FAT4: variants seen among roughly 807,000 people sequenced by gnomAD.
FAT4 encodes the protein FAT atypical cadherin 4.
A neutral mutation model predicts 303.9 loss-of-function variants in FAT4; 84 were observed. That is an observed-to-expected ratio of 0.28 (90% CI 0.23 to 0.33). The LOEUF (loss-of-function observed/expected upper bound fraction) is 0.33. Ranked by LOEUF, FAT4 falls within the 10% of genes least tolerant of loss-of-function variation. FAT4 has a pLI of 1.00. For synonymous variants in FAT4, 2,307 were observed against 2,298.8 expected, an observed-to-expected ratio of 1.00 and a Z score of -0.10; for missense variants, 6,005 against 6,146.8, an observed-to-expected ratio of 0.98 and a Z score of 0.77.
At position 125,319,120 on chromosome 4, in the gene FAT4, G is replaced by A. The variant is rs751921571; in HGVS notation, c.2709G>A (p.Val903=). The A allele has an allele frequency of 8.1e-6, 13 of 1,613,976 alleles. No homozygotes were observed. Among genetic ancestry groups the A allele is most frequent in the East Asian group, 2.2e-5 (1 of 44,888 alleles). The change falls in exon 2 of 18, where the codon GTG becomes GTA. Residue 903 remains valine (V), a synonymous_variant. Coordinates refer to ENST00000394329, the MANE Select transcript of FAT4 (RefSeq NM_001291303.3). The stretch of plus-strand genomic sequence containing the variant: ...AGGCAATAGAGAGTGTAAATGTGGT[G>A]GAGAATTGGCAGGCAGGTCACAGCA... ...FLQAIESVNV[V]ENWQAGHSIF... is the part of the protein sequence containing the mutation.
At chr4:125,385,106 C>G (rs931734565) in intron 2 of FAT4, among the ~76,000 whole-genome samples, 3 of 149,086 alleles carry the variant, frequency 2.0e-5, no homozygotes, top group Non-Finnish European at 4.4e-5. Flanking sequence ...ACTGCAACCT[C>G]TGCTTCCCGG....
chr4:125,364,932 G>A (rs1732808920), intron 2 of FAT4, among the ~76,000 whole-genome samples: 1 of 152,158 alleles, frequency 6.6e-6, no homozygotes, highest in African/African-American at 2.4e-5. Context: ...AACAGTTAGA[G>A]GTTGGGGGCA....
intron 11 of FAT4, among the ~76,000 whole-genome samples, chr4:125,466,900 G>A (rs1292159814): frequency 3.3e-5 from 5 of 151,152 alleles, no homozygotes; most frequent in East Asian, 2.0e-4. Context: ...TCAGCCTCCC[G>A]AGTAGCTGTG....
rs1727556292 is a variant in FAT4, at chr4:125,489,992, A to T, written c.13176A>T (p.Thr4392=). 3.1e-6 allele frequency: 5 copies of T among 1,613,844 alleles called. No individual in the cohort carries two copies. Among genetic ancestry groups the T allele is most frequent in the Non-Finnish European group, 4.2e-6 (5 of 1,180,016 alleles). ...ATAGCTTGGCCTCCATCTCAAAAACAGATCCCTCAGTGAAGATTGGCTGCC... is the reference window on the plus strand; with the variant it reads ...ATAGCTTGGCCTCCATCTCAAAAACTGATCCCTCAGTGAAGATTGGCTGCC... ...GKHSLASISK[T]DPSVKIGCRG... Residue 4392 remains threonine, a synonymous_variant, in exon 18 of 18, where the codon ACA becomes ACT. Coordinates refer to ENST00000394329, the MANE Select transcript of FAT4 (RefSeq NM_001291303.3).
chr4:125,487,549 C>T lies in FAT4; in HGVS notation c.13027C>T (p.Leu4343Phe). Residue 4343 changes from leucine (L) to phenylalanine (F), a missense_variant, in exon 17 of 18, where the codon CTT becomes TTT. Transcript: ENST00000394329. The part of the protein sequence containing the change: ...PTQDFGGLDV[L>F]TISLGGIPPN... ...TCAGGACTTCGGTGGCCTTGATGTGCTTACTATATCACTTGGAGGAATTCC... is the reference window on the plus strand; with the variant it reads ...TCAGGACTTCGGTGGCCTTGATGTGTTTACTATATCACTTGGAGGAATTCC... 1 of 1,613,556 alleles carries T rather than the reference C, an allele frequency of 6.2e-7. No individual in the cohort carries two copies. The highest frequency in any genetic ancestry group is 8.5e-7 in the Non-Finnish European group (1 of 1,179,710).
intron 3 of FAT4, among the ~76,000 whole-genome samples, chr4:125,405,793 C>T (rs1406553138): frequency 5.3e-5 from 8 of 152,066 alleles, no homozygotes; most frequent in Non-Finnish European, 7.4e-5. Flanking sequence ...TGAGCCACCA[C>T]GCCTGGCCAC....
intron 8 of FAT4, among the ~76,000 whole-genome samples, chr4:125,439,500 T>A (rs1344348457): frequency 1.1e-5 from 1 of 93,278 alleles, no homozygotes; most frequent in African/African-American, 5.0e-5. Context: ...GCCCGGCTAA[T>A]TTTTTTTTTT....
intron 2 of FAT4, among the ~76,000 whole-genome samples, chr4:125,377,262 C>G (rs1158023671): frequency 6.6e-6 from 1 of 151,912 alleles, no homozygotes; most frequent in Non-Finnish European, 1.5e-5. Flanking sequence ...GGAAAAGAAG[C>G]CTTTACTATT....
rs1405414790 is a variant in FAT4, at chr4:125,319,557, A to G, written c.3146A>G (p.Asp1049Gly). 2 of 1,614,194 alleles carry G rather than the reference A, an allele frequency of 1.2e-6. No homozygotes were observed. Residue 1049 changes from aspartate (D) to glycine (G), a missense_variant, in exon 2 of 18, where the codon GAT becomes GGT. Physicochemically the swap from Asp to Gly is moderately conservative, Grantham distance 94. Transcript: ENST00000394329. The part of the protein sequence containing the change: ...NTGDAFGIFP[D>G]GQLYIKSELD... ...GGGGATGCTTTTGGCATATTCCCAG[A>G]TGGTCAATTGTATATAAAAAGTGAA...
intron 7 of FAT4, among the ~76,000 whole-genome samples, chr4:125,419,526 T>C (rs13144803): frequency 0.99 from 150,916 of 152,324 alleles, 74,774 homozygotes; most frequent in East Asian, 1. Flanking sequence ...GGTGCATTAT[T>C]CAACAGGCAA....
chr4:125,450,956 G>A lies in FAT4; in HGVS notation c.9946G>A (p.Gly3316Ser). 6.2e-7 allele frequency: 1 copy of A among 1,614,122 alleles called. No individual in the cohort carries two copies. Residue 3316 changes from glycine (G) to serine (S), a missense_variant, in exon 10 of 18, where the codon GGT (glycine) becomes AGT (serine). Coordinates refer to ENST00000394329, the MANE Select transcript of FAT4 (RefSeq NM_001291303.3). ...YFEISEAAPK[G>S]TIVGEVFASD... is the part of the protein sequence containing the mutation. ...TGAAATCTCAGAAGCAGCTCCTAAA[G>A]GTACTATTGTTGGAGAAGTGTTTGC...
chr4:125,463,401 T>C (rs1378821162), intron 10 of FAT4, among the ~76,000 whole-genome samples, 162 bp from the exon 11 acceptor site: 1 of 152,052 alleles, frequency 6.6e-6, no homozygotes, highest in African/African-American at 2.4e-5. Flanking sequence ...AGATTTTAAA[T>C]TCTAAGATAT....
chr4:125,406,357 G>A (rs1428445266), intron 3 of FAT4, among the ~76,000 whole-genome samples: 1 of 152,034 alleles, frequency 6.6e-6, no homozygotes, highest in African/African-American at 2.4e-5. Flanking sequence ...TTGTCTGTAT[G>A]TGTGTCTTTA....
chr4:125,415,561 C>G lies in FAT4; in HGVS notation c.6598C>G (p.Gln2200Glu). ...RYGIVNGNTN[Q>E]EFRIDSVTGA... ...TGGCATTGTTAATGGTAATACCAAT[C>G]AGGAATTTCGGATAGACTCTGTCAC... Residue 2200 changes from glutamine to glutamate, a missense_variant, in exon 6 of 18, where the codon CAG becomes GAG. Coordinates refer to ENST00000394329, the MANE Select transcript of FAT4 (RefSeq NM_001291303.3). 1 of 1,614,052 alleles carries G rather than the reference C, an allele frequency of 6.2e-7. No homozygotes were observed. The highest frequency in any genetic ancestry group is 8.5e-7 in the Non-Finnish European group (1 of 1,179,972).
Position 125,374,109 on chromosome 4 carries a change from T to C in FAT4, c.5176-24675T>C, listed in dbSNP as rs573260949. On this transcript the variant is annotated intron_variant, in intron 2 of 17. Coordinates refer to ENST00000394329, the MANE Select transcript of FAT4 (RefSeq NM_001291303.3). ...GATTTTTTTATTCAAAGGCATCAGA[T>C]GAAATGAGCTCAACAGTCTGCCGGT... Among the ~76,000 whole-genome samples the C allele has an allele frequency of 5.9e-5, 9 of 152,252 alleles. No individual in the cohort carries two copies. The South Asian group carries it at 1.9e-3, about 32-fold the overall frequency.
intron 2 of FAT4, among the ~76,000 whole-genome samples, chr4:125,324,407 C>T (rs2663262): frequency 6.6e-6 from 1 of 152,004 alleles, no homozygotes; most frequent in Admixed American, 6.6e-5. Flanking sequence ...AGTAGGTGCT[C>T]CATACATGTT....
chr4:125,377,294 G>A (rs1733368599), intron 2 of FAT4, among the ~76,000 whole-genome samples: 2 of 151,714 alleles, frequency 1.3e-5, no homozygotes, highest in African/African-American at 4.8e-5. Flanking sequence ...TTCATATGTA[G>A]CTACAAAGTT....
chr4:125,440,606 TGTGTGAGAGAGAGAGA>T (rs1725622086), intron 8 of FAT4, among the ~76,000 whole-genome samples: 6 of 29,756 alleles, frequency 2.0e-4, no homozygotes, highest in Admixed American at 1.8e-3. Flanking sequence ...TGTGTGTGTG[TGTGTGAGAGAGAGAGA>T]GAGAGAGAGA....
At chr4:125,432,870 G>A (rs928466279) in intron 7 of FAT4, among the ~76,000 whole-genome samples, 1 of 151,990 alleles carries the variant, frequency 6.6e-6, no homozygotes, top group Admixed American at 6.6e-5. Flanking sequence ...AAATTTAATT[G>A]CATCATTTTC....
Sources: gnomAD v4.1 joint callset for allele counts (sites outside exome capture counted in the v4.1 genomes callset) on GRCh38, gnomAD v4.1.1 for gene constraint, MANE v1.5 for transcripts, NCBI Gene and HGNC (gene_info 2026-07-23, HGNC 2026-07-21) for gene names.